PREX2: variants seen among roughly 807,000 people sequenced by gnomAD.
PREX2 encodes phosphatidylinositol 3,4,5-trisphosphate-dependent Rac exchanger 2 protein.
PREX2 carries 107 observed loss-of-function variants against 203.2 expected under a neutral mutation model. The ratio of observed to expected loss-of-function variants is 0.53; its 90% CI spans 0.45 to 0.62. The LOEUF (loss-of-function observed/expected upper bound fraction) is 0.62, where lower values mean the gene tolerates loss of function less well. Among genes scored for constraint, PREX2 ranks in the 20% least tolerant of loss-of-function variants. The pLI, the probability that PREX2 is intolerant of heterozygous loss-of-function variation, is 0.00. For synonymous variants in PREX2, 672 were observed against 663.6 expected, an observed-to-expected ratio of 1.01 and a Z score of -0.19; for missense variants, 1,777 against 1,955.9, an observed-to-expected ratio of 0.91 and a Z score of 1.72.
intron 6 of PREX2, among the ~76,000 whole-genome samples, chr8:68,033,582 A>T (rs1182429640): frequency 6.6e-6 from 1 of 152,132 alleles, no homozygotes; most frequent in Non-Finnish European, 1.5e-5. Context: ...CAGACCTGAG[A>T]AGGGTGTCTA....
rs200025914 is a variant in PREX2 at position 68,193,437 on chromosome 8, G to A, written c.4604+912G>A. On this transcript the variant is annotated intron_variant, in intron 37 of 39. Coordinates refer to ENST00000288368, the MANE Select transcript of PREX2 (RefSeq NM_024870.4). ...ATCAACCCGTCACCTACATTAGGTC[G>A]GTTTGATTTTGAGGATGGTGTTTAC... Among the ~76,000 whole-genome samples the A allele has an allele frequency of 4.3e-4, 65 of 152,206 alleles. No individual in the cohort carries two copies. In the East Asian group the frequency reaches 8.9e-3, roughly 21 times the overall value.
chr8:68,092,343 G>T (rs1315562665), intron 20 of PREX2, among the ~76,000 whole-genome samples: 2 of 152,176 alleles, frequency 1.3e-5, no homozygotes, highest in Non-Finnish European at 2.9e-5. Flanking sequence ...ATGTTAATTA[G>T]CATTTTAATG....
chr8:68,057,965 G>A lies in PREX2; in HGVS notation c.1238+1991G>A, dbSNP rs919716272. 8.5e-5 allele frequency among the ~76,000 whole-genome samples: 13 copies of A among 152,192 alleles called. 1 individual carries two copies. On this transcript the variant is annotated intron_variant, in intron 10 of 39. Transcript: ENST00000288368. ...TATGGGAATAGTGCAAGTTCATTGT[G>A]ATGCTATATGAAGCTTCTCCCAGAG...
intron 8 of PREX2, among the ~76,000 whole-genome samples, 197 bp from the exon 9 acceptor site, chr8:68,052,900 A>C (rs1808563215): frequency 6.6e-6 from 1 of 152,194 alleles, no homozygotes; most frequent in South Asian, 2.1e-4. Context: ...AATGTCCATT[A>C]TTGAGCACTG....
At chr8:67,984,342 C>A (rs552612511) in intron 1 of PREX2, among the ~76,000 whole-genome samples, 1 of 152,324 alleles carries the variant, frequency 6.6e-6, no homozygotes, top group African/African-American at 2.4e-5. Flanking sequence ...CAGTGCCTGG[C>A]ACATAGTATT....
intron 11 of PREX2, among the ~76,000 whole-genome samples, chr8:68,064,572 C>G (rs1401595533): frequency 1.3e-5 from 2 of 151,282 alleles, no homozygotes; most frequent in South Asian, 4.2e-4. Flanking sequence ...GAAATGAGGT[C>G]TTGTTATGTT....
intron 1 of PREX2, among the ~76,000 whole-genome samples, chr8:67,987,796 T>C (rs1806479215): frequency 6.6e-6 from 1 of 152,232 alleles, no homozygotes; most frequent in South Asian, 2.1e-4. Flanking sequence ...CCATTTAATA[T>C]CTTCCTTCTC....
chr8:68,189,523 G>C (rs972940407), intron 35 of PREX2, among the ~76,000 whole-genome samples: 3 of 152,026 alleles, frequency 2.0e-5, no homozygotes, highest in African/African-American at 7.3e-5. Context: ...ATTTTAAAAT[G>C]ATGTCTCAAA....
intron 10 of PREX2, among the ~76,000 whole-genome samples, chr8:68,059,318 T>C (rs1400148920): frequency 6.6e-6 from 1 of 152,086 alleles, no homozygotes; most frequent in Non-Finnish European, 1.5e-5. Context: ...GCTACATAGC[T>C]GAGGCTCTCC....
intron 1 of PREX2, among the ~76,000 whole-genome samples, chr8:67,982,800 T>C (rs1367575863): frequency 3.9e-5 from 6 of 152,334 alleles, no homozygotes; most frequent in Middle Eastern, 3.4e-3. Context: ...GATTACAGTT[T>C]CTTTTAAACT....
chr8:68,176,492 C>T (rs1811983354), intron 35 of PREX2, among the ~76,000 whole-genome samples: 1 of 152,090 alleles, frequency 6.6e-6, no homozygotes, highest in Non-Finnish European at 1.5e-5. Flanking sequence ...CCAATCCCCA[C>T]CCTTCCATTG....
rs553606168 is a variant in PREX2 at position 67,992,123 on chromosome 8, C to T, written c.142-25723C>T. ...TTCCCTTGGACAGTCCTGTGTTGGC[C>T]TACACTTGCTCTTTGTCTAGTATAT... On this transcript the variant is annotated intron_variant, in intron 1 of 39. Transcript: ENST00000288368. Among the ~76,000 whole-genome samples, 44 of 152,264 alleles carry T rather than the reference C, an allele frequency of 2.9e-4. 1 individual carries two copies. In the South Asian group the frequency reaches 8.9e-3, roughly 31 times the overall value.
At chr8:68,029,364 C>G (rs1163878394) in intron 5 of PREX2, among the ~76,000 whole-genome samples, 1 of 152,000 alleles carries the variant, frequency 6.6e-6, no homozygotes, top group East Asian at 1.9e-4. Flanking sequence ...ACCTGTGGTG[C>G]CTCTACTCTT....
chr8:68,204,238 G>A (rs1019618892), intron 37 of PREX2, among the ~76,000 whole-genome samples: 3 of 152,064 alleles, frequency 2.0e-5, no homozygotes, highest in Non-Finnish European at 4.4e-5. Context: ...ACCCCAGAAG[G>A]TCCCTAATCA....
intron 10 of PREX2, among the ~76,000 whole-genome samples, chr8:68,057,122 C>T (rs1210930131): frequency 1.3e-5 from 2 of 152,076 alleles, no homozygotes; most frequent in South Asian, 2.1e-4. Context: ...GGGGTGGCTT[C>T]CACCTTGCTG....
At chr8:68,124,407 A>G (rs1318427772) in intron 30 of PREX2, among the ~76,000 whole-genome samples, 1 of 152,114 alleles carries the variant, frequency 6.6e-6, no homozygotes, top group East Asian at 1.9e-4. Context: ...CAAATACCAC[A>G]TGTTCTCATT....
chr8:67,969,941 C>T lies in PREX2; in HGVS notation c.141+17406C>T, dbSNP rs373757944. Among the ~76,000 whole-genome samples the T allele has an allele frequency of 3.5e-4, 54 of 152,320 alleles. No homozygotes were observed. The South Asian group carries it at 0.01, about 29-fold the overall frequency. On this transcript the variant is annotated intron_variant, in intron 1 of 39. Transcript: ENST00000288368. The stretch of plus-strand genomic sequence containing the variant: ...AATCTTATGCCCATCATCTGAGTCT[C>T]ACTCCGGTCTGAAAATTTCTATAAT...
In PREX2 at chr8:68,115,097, G is replaced by A. The variant is rs560249419; in HGVS notation, c.3147-656G>A. On this transcript the variant is annotated intron_variant, in intron 25 of 39. Coordinates refer to ENST00000288368, the MANE Select transcript of PREX2 (RefSeq NM_024870.4). The stretch of plus-strand genomic sequence containing the variant: ...GGCTGGAGTACAATGGCACGATCTC[G>A]GCTCACCACAACCTCCGCCTCCTGG... Among the ~76,000 whole-genome samples, 65 of 137,608 alleles carry A rather than the reference G, an allele frequency of 4.7e-4. 1 individual carries two copies. The highest frequency in any genetic ancestry group is 1.4e-3 in the African/African-American group (52 of 36,770). 90.3% of individuals were successfully genotyped at this position (137,608 alleles called of 152,430 possible). A position where few individuals can be genotyped will look rare whatever the true frequency, so the allele number is the denominator to read the frequency against.
At chr8:67,978,192 T>C (rs7463893) in intron 1 of PREX2, among the ~76,000 whole-genome samples, 1 of 151,718 alleles carries the variant, frequency 6.6e-6, no homozygotes, top group East Asian at 1.9e-4. Context: ...TGTGGGGAAA[T>C]CTCCCCCCTC....
Sources: gnomAD v4.1 joint callset for allele counts (sites outside exome capture counted in the v4.1 genomes callset) on GRCh38, gnomAD v4.1.1 for gene constraint, MANE v1.5 for transcripts, NCBI Gene and HGNC (gene_info 2026-07-23, HGNC 2026-07-21) for gene names.